ZC3H18: variants seen among roughly 807,000 people sequenced by gnomAD.
The protein encoded by ZC3H18 is zinc finger CCCH domain-containing protein 18.
A neutral mutation model predicts 106.1 loss-of-function variants in ZC3H18; 8 were observed. The observed-to-expected ratio is 0.08, with a 90% CI of 0.04 to 0.14. ZC3H18 has a LOEUF of 0.14. ZC3H18 is among the 10% of genes least tolerant of loss of function. ZC3H18 has a pLI of 1.00. For synonymous variants in ZC3H18, 635 were observed against 522.1 expected (o/e 1.22, Z -2.95); for missense variants, 1,318 against 1,278.4 (o/e 1.03, Z -0.47).
At chr16:88,596,940 TGA>T (rs1316968824) in intron 3 of ZC3H18, among the ~76,000 whole-genome samples, 1 of 152,204 alleles carries the variant, frequency 6.6e-6, no homozygotes, top group African/African-American at 2.4e-5. Context: ...TTGTTGTTTT[TGA>T]GAGAGACTCG....
At chr16:88,577,794 A>C in intron 2 of ZC3H18, 68 bp downstream of exon 2, 1 of 1,609,094 alleles carries the variant, frequency 6.2e-7, no homozygotes, top group South Asian at 1.1e-5. Flanking sequence ...TGGTGCTGGA[A>C]AGGAGGGACT....
At chr16:88,595,676 G>T (rs1049906483) in intron 3 of ZC3H18, among the ~76,000 whole-genome samples, 2 of 151,330 alleles carry the variant, frequency 1.3e-5, no homozygotes, top group African/African-American at 4.9e-5. Context: ...GCTTGGTGGT[G>T]CACACCTGTA....
At chr16:88,613,977 A>C (rs2142759956) in intron 8 of ZC3H18, among the ~76,000 whole-genome samples, 1 of 152,324 alleles carries the variant, frequency 6.6e-6, no homozygotes, top group Admixed American at 6.5e-5. Flanking sequence ...GCTCCGTCTC[A>C]GGGTTGGTTT....
chr16:88,598,321 C>A lies in ZC3H18; in HGVS notation c.832C>A (p.Pro278Thr). 6.3e-7 allele frequency: 1 copy of A among 1,597,134 alleles called. No individual in the cohort carries two copies. The highest frequency in any genetic ancestry group is 1.1e-5 in the South Asian group (1 of 88,900). Residue 278 changes from proline (P) to threonine (T), a missense_variant, in exon 4 of 18, where the codon CCT becomes ACT. This residue lies in a region of ZC3H18 where 78 missense variants were observed against 67.3 expected (regional missense o/e 1.16). Transcript: ENST00000301011. ...LGPHPLMPAN[P>T]WGGPVVDEIL... ...ACCTCACCCGCTGATGCCCGCCAAC[C>A]CTTGGGTGCGTGATGCCTCTTCTTT...
At chr16:88,578,441 C>T (rs568868891) in intron 2 of ZC3H18, among the ~76,000 whole-genome samples, 3 of 152,084 alleles carry the variant, frequency 2.0e-5, no homozygotes, top group African/African-American at 7.2e-5. Context: ...GGGAGAAACA[C>T]CCCAAAGTCC....
At chr16:88,607,573 C>G (rs1905073373) in intron 6 of ZC3H18, among the ~76,000 whole-genome samples, 1 of 152,118 alleles carries the variant, frequency 6.6e-6, no homozygotes. Context: ...TTTATTCATG[C>G]ACACTTTGTA....
intron 3 of ZC3H18, among the ~76,000 whole-genome samples, chr16:88,597,302 ATT>A (rs1904491943): frequency 6.6e-6 from 1 of 152,154 alleles, no homozygotes; most frequent in Non-Finnish European, 1.5e-5. Flanking sequence ...TTGGATCGAT[ATT>A]GTTATTATGT....
Position 88,612,550 on chromosome 16 carries a change from G to A in ZC3H18, c.1475+1014G>A, listed in dbSNP as rs117614262. On this transcript the variant is annotated intron_variant, in intron 8 of 17. Coordinates refer to ENST00000301011, the MANE Select transcript of ZC3H18 (RefSeq NM_144604.4). ...AAATTAGCTGGGGGAGGTGGCATGA[G>A]CCTGTGGTCCCAGCTACTCGGGAGG... Among the ~76,000 whole-genome samples the A allele has an allele frequency of 5.1e-3, 765 of 151,422 alleles. 3 individuals carry two copies. The highest frequency in any genetic ancestry group is 9.1e-3 in the Non-Finnish European group (619 of 67,844).
In ZC3H18 at chr16:88,628,134, C is replaced by A. The variant is rs905094845; in HGVS notation, c.2469+15C>A. Reference sequence around the variant, plus strand: ...TGTTGAATAAGGTGAGGGCAAGGGCCCTCCTGGTGGCTGCCCCAGCGTCTA... The same window carrying A: ...TGTTGAATAAGGTGAGGGCAAGGGCACTCCTGGTGGCTGCCCCAGCGTCTA... On this transcript the variant is annotated intron_variant, in intron 15 of 17. Transcript: ENST00000301011. 1 of 1,609,268 alleles carries A rather than the reference C, an allele frequency of 6.2e-7. No individual in the cohort carries two copies. The highest frequency in any genetic ancestry group is 2.2e-5 in the East Asian group (1 of 44,730).
chr16:88,587,288 T>G (rs1915494002), intron 3 of ZC3H18, among the ~76,000 whole-genome samples: 2 of 152,212 alleles, frequency 1.3e-5, no homozygotes, highest in Non-Finnish European at 2.9e-5. Flanking sequence ...CTGATGATGT[T>G]AGGGCTTTTT....
intron 17 of ZC3H18, 74 bp from the exon 18 acceptor site, chr16:88,631,027 C>G: frequency 6.3e-7 from 1 of 1,583,572 alleles, no homozygotes; most frequent in Non-Finnish European, 8.6e-7. Context: ...TGGAAGCGCC[C>G]CTACGGGGAG....
At chr16:88,615,944 C>T (rs917004756) in intron 8 of ZC3H18, among the ~76,000 whole-genome samples, 2 of 152,250 alleles carry the variant, frequency 1.3e-5, no homozygotes, top group African/African-American at 4.8e-5. Context: ...TGCTGTGTTC[C>T]TCTGCTGTGG....
At chr16:88,609,802 T>C (rs1905188769) in intron 7 of ZC3H18, among the ~76,000 whole-genome samples, 1 of 152,154 alleles carries the variant, frequency 6.6e-6, no homozygotes, top group African/African-American at 2.4e-5. Flanking sequence ...GGTTTTGCCG[T>C]GTTGGTCAGG....
At chr16:88,599,002 G>A (rs751802401) in intron 5 of ZC3H18, among the ~76,000 whole-genome samples, 2 of 152,180 alleles carry the variant, frequency 1.3e-5, no homozygotes, top group Non-Finnish European at 2.9e-5. Flanking sequence ...GGGATTACAG[G>A]CATGCGCCAC....
At chr16:88,616,263 C>G (rs1305032682) in intron 8 of ZC3H18, among the ~76,000 whole-genome samples, 1 of 152,214 alleles carries the variant, frequency 6.6e-6, no homozygotes, top group Non-Finnish European at 1.5e-5. Flanking sequence ...TCAAACACAG[C>G]TGCTCTCACC....
intron 1 of ZC3H18, among the ~76,000 whole-genome samples, chr16:88,574,625 C>T (rs958666579): frequency 6.6e-6 from 1 of 151,216 alleles, no homozygotes; most frequent in Non-Finnish European, 1.5e-5. Context: ...ATCTCAGCCT[C>T]CCAAGTAGCT....
At position 88,624,654 on chromosome 16, in the gene ZC3H18, A is replaced by G; in HGVS notation, c.1951A>G (p.Lys651Glu). The part of the protein sequence containing the change: ...APPPAPPQAT[K>E]TTAPVPEPTK... Reference sequence around the variant, plus strand: ...GCCTCCAGCCCCACCACAGGCCACCAAAACCACTGCTCCTGTCCCCGAGCC... The same window carrying G: ...GCCTCCAGCCCCACCACAGGCCACCGAAACCACTGCTCCTGTCCCCGAGCC... The change falls in exon 12 of 18, where the codon AAA becomes GAA. Residue 651 changes from lysine to glutamate, a missense_variant. By Grantham distance (56) the Lys-to-Glu change is moderately conservative. Around this residue, in one of 6 missense-constraint regions of ZC3H18, gnomAD observed 848 missense variants for 821.7 expected, o/e 1.03. Transcript: ENST00000301011. The G allele has an allele frequency of 6.2e-7, 1 of 1,613,956 alleles. No homozygotes were observed. The highest frequency in any genetic ancestry group is 8.5e-7 in the Non-Finnish European group (1 of 1,179,984).
At chr16:88,589,034 C>T (rs1217038538) in intron 3 of ZC3H18, among the ~76,000 whole-genome samples, 1 of 152,204 alleles carries the variant, frequency 6.6e-6, no homozygotes, top group Non-Finnish European at 1.5e-5. Flanking sequence ...TTTTCTAGAT[C>T]ATGTCTTCTG....
chr16:88,572,330 G>A (rs1394970560), intron 1 of ZC3H18, among the ~76,000 whole-genome samples: 1 of 152,234 alleles, frequency 6.6e-6, no homozygotes, highest in Non-Finnish European at 1.5e-5. Flanking sequence ...TTGAGACGGA[G>A]TCTCACTCTG....
Sources: allele counts gnomAD v4.1 joint callset (sites outside exome capture counted in the v4.1 genomes callset), GRCh38; gene constraint gnomAD v4.1.1; regional missense constraint gnomAD v4.1.1; transcripts MANE v1.5; gene names NCBI Gene and HGNC (gene_info 2026-07-23, HGNC 2026-07-21).